Variants in ANKS3 observed in about 807,000 individuals in gnomAD.
ANKS3 encodes ankyrin repeat and SAM domain-containing protein 3.
A neutral mutation model predicts 80.7 loss-of-function variants in ANKS3; 62 were observed. That is an observed-to-expected ratio of 0.77 (90% confidence interval 0.63 to 0.95). ANKS3 has a LOEUF of 0.95. Ranked by LOEUF, ANKS3 falls within the 40% of genes least tolerant of loss-of-function variation. The pLI is 0.00. For synonymous variants in ANKS3, 489 were observed against 355.3 expected (o/e 1.38, Z -4.23); for missense variants, 1,150 against 883.6 (o/e 1.30, Z -3.82).
intron 6 of ANKS3, among the ~76,000 whole-genome samples, chr16:4,719,165 A>C (rs2080956194): frequency 6.6e-6 from 1 of 151,050 alleles, no homozygotes; most frequent in Non-Finnish European, 1.5e-5. Context: ...TGAGACCCCA[A>C]CTCTACAAAA....
chr16:4,718,044 G>A (rs1054287933), intron 6 of ANKS3, among the ~76,000 whole-genome samples: 1 of 151,598 alleles, frequency 6.6e-6, no homozygotes, highest in African/African-American at 2.4e-5. Flanking sequence ...CAAAGTGCTG[G>A]GATTACAGGC....
At position 4,698,457 on chromosome 16, in the gene ANKS3, C is replaced by G; in HGVS notation, c.1694G>C (p.Arg565Pro). 1 of 1,539,808 alleles carries G rather than the reference C, an allele frequency of 6.5e-7. No homozygotes were observed. The change falls in exon 14 of 18, where the codon CGG (arginine) becomes CCG (proline). Residue 565 changes from arginine to proline, a missense_variant. Arg to Pro is a moderately radical substitution (Grantham distance 103). Coordinates refer to ENST00000304283, the MANE Select transcript of ANKS3 (RefSeq NM_133450.4). ...ARLRETWALARDAALVLDQLR... is the reference protein window; with the variant it reads ...ARLRETWALAPDAALVLDQLR... ...CTGGTCCAGGACGAGGGCAGCATCC[C>G]GGGCCAGGGCCCACGTCTCCCGCAG...
chr16:4,718,189 G>C (rs963055857), intron 6 of ANKS3, among the ~76,000 whole-genome samples: 2 of 151,768 alleles, frequency 1.3e-5, no homozygotes, highest in African/African-American at 4.8e-5. Context: ...AAAAGTGCTG[G>C]GATTACTGGC....
intron 6 of ANKS3, among the ~76,000 whole-genome samples, chr16:4,714,716 G>A (rs745533767): frequency 2.6e-5 from 4 of 152,044 alleles, no homozygotes; most frequent in African/African-American, 4.8e-5. Context: ...GGCACAGGCC[G>A]GGTGCGGTGG....
At chr16:4,719,991 G>C (rs1426686494) in intron 6 of ANKS3, among the ~76,000 whole-genome samples, 3 of 149,704 alleles carry the variant, frequency 2.0e-5, no homozygotes, top group African/African-American at 7.3e-5. Context: ...GTGAAACCCT[G>C]TCTCCACTAA....
rs150932668 is a variant in ANKS3 at position 4,733,382 on chromosome 16, C to G, written c.-71+556G>C. Among the ~76,000 whole-genome samples, 245 of 151,972 alleles carry G rather than the reference C, an allele frequency of 1.6e-3. 2 individuals carry two copies. The highest frequency in any genetic ancestry group is 5.7e-3 in the African/African-American group (237 of 41,432). ...TCTCGGCTCAATGCAACCTCCGCCT[C>G]CTGGGTTCAAGCGATTCTCCTGCCT... On this transcript the variant is annotated intron_variant, in intron 1 of 17. Coordinates refer to ENST00000304283, the MANE Select transcript of ANKS3 (RefSeq NM_133450.4).
intron 7 of ANKS3, among the ~76,000 whole-genome samples, chr16:4,711,395 G>A (rs1233743186): frequency 6.6e-6 from 1 of 151,600 alleles, no homozygotes; most frequent in Non-Finnish European, 1.5e-5. Context: ...AAGCCACCGC[G>A]CCTGGCCCTG....
At chr16:4,728,863 C>T (rs1471616761) in intron 3 of ANKS3, among the ~76,000 whole-genome samples, 1 of 152,176 alleles carries the variant, frequency 6.6e-6, no homozygotes. Flanking sequence ...GGAGGGAGCG[C>T]AACAGACCAC....
At chr16:4,725,771 C>T (rs1446629474) in intron 5 of ANKS3, among the ~76,000 whole-genome samples, 3 of 152,034 alleles carry the variant, frequency 2.0e-5, no homozygotes, top group Admixed American at 6.6e-5. Context: ...GTGATTCTCC[C>T]GCCTCAGACT....
intron 5 of ANKS3, among the ~76,000 whole-genome samples, chr16:4,726,394 C>A (rs544831682): frequency 6.6e-5 from 10 of 152,270 alleles, no homozygotes; most frequent in Admixed American, 1.3e-4. Context: ...CCCTGGCATA[C>A]AATAAAACAT....
rs139960829 is a variant in ANKS3 at position 4,714,060 on chromosome 16, G to A, written c.700C>T (p.Arg234Trp). Residue 234 changes from arginine (R) to tryptophan (W), a missense_variant, in exon 7 of 18, where the codon CGG becomes TGG. By Grantham distance (101) the Arg-to-Trp change is moderately radical. Transcript: ENST00000304283. ...TGGCAGGTGTGGGTACCTGGGCTCC[G>A]ATAGAGGCTCTTGGGCAGAGAGGGC... ...YSPSLPKSLY[R>W]SPEKYEDLSS... 72 of 1,614,030 alleles carry A rather than the reference G, an allele frequency of 4.5e-5. No individual in the cohort carries two copies. Among genetic ancestry groups the A allele is most frequent in the Non-Finnish European group, 5.5e-5 (65 of 1,180,016 alleles).
chr16:4,705,527 C>A (rs1482998700), intron 7 of ANKS3, among the ~76,000 whole-genome samples: 1 of 152,194 alleles, frequency 6.6e-6, no homozygotes, highest in Non-Finnish European at 1.5e-5. Context: ...ATGGCATGAT[C>A]TTGGCTCACT....
chr16:4,731,248 G>A (rs1246597285), intron 2 of ANKS3, among the ~76,000 whole-genome samples: 4 of 152,158 alleles, frequency 2.6e-5, no homozygotes, highest in Non-Finnish European at 5.9e-5. Flanking sequence ...TGAAACCACA[G>A]AACTGAACAC....
At chr16:4,699,602 G>C (rs1333457548) in intron 11 of ANKS3, 1 of 199,616 alleles carries the variant, frequency 5.0e-6, no homozygotes, top group African/African-American at 2.3e-5. Flanking sequence ...CGAGCTCCCT[G>C]GATGTAAGAT....
chr16:4,705,223 T>C lies in ANKS3; in HGVS notation c.740A>G (p.Glu247Gly). Residue 247 changes from glutamate (E) to glycine (G), a missense_variant, in exon 8 of 18, where the codon GAG becomes GGG. Physicochemically the swap from Glu to Gly is moderately conservative, Grantham distance 98. Coordinates refer to ENST00000304283, the MANE Select transcript of ANKS3 (RefSeq NM_133450.4). ...CTGTCTCTGAGGAGCAGGGCAGGAC[T>C]CGTCAGAAGAGCTCAGATCTTCGTA... The part of the protein sequence containing the change: ...EKYEDLSSSD[E>G]SCPAPQRQRP... 1 of 1,614,034 alleles carries C rather than the reference T, an allele frequency of 6.2e-7. No individual in the cohort carries two copies. Among genetic ancestry groups the C allele is most frequent in the Non-Finnish European group, 8.5e-7 (1 of 1,180,028 alleles).
In ANKS3 at chr16:4,721,597, C is replaced by G. The variant is rs1596431301; in HGVS notation, c.573+3153G>C. On this transcript the variant is annotated intron_variant, in intron 6 of 17. Coordinates refer to ENST00000304283, the MANE Select transcript of ANKS3 (RefSeq NM_133450.4). ...CTCCACTCCAGCCTGAGGGACAGAGCAAGACCCCATCTCTTTATTGATTTA... is the reference window on the plus strand; with the variant it reads ...CTCCACTCCAGCCTGAGGGACAGAGGAAGACCCCATCTCTTTATTGATTTA... Among the ~76,000 whole-genome samples, 3 of 149,664 alleles carry G rather than the reference C, an allele frequency of 2.0e-5. 1 individual carries two copies. Among genetic ancestry groups the G allele is most frequent in the African/African-American group, 7.3e-5 (3 of 41,316 alleles).
chr16:4,715,680 C>T (rs968750246), intron 6 of ANKS3, among the ~76,000 whole-genome samples: 6 of 152,088 alleles, frequency 3.9e-5, no homozygotes, highest in Non-Finnish European at 8.8e-5. Context: ...ACACAGAAAA[C>T]AATATTGGAA....
chr16:4,728,322 G>C (rs1205566895), intron 3 of ANKS3, among the ~76,000 whole-genome samples: 2 of 152,134 alleles, frequency 1.3e-5, no homozygotes, highest in African/African-American at 4.8e-5. Flanking sequence ...TGGATTACAG[G>C]CGTGAGCCAC....
rs746588854 is a variant in ANKS3, at chr16:4,713,968, G to C, written c.709+83C>G. The C allele has an allele frequency of 7.1e-6, 11 of 1,543,746 alleles. No individual in the cohort carries two copies. In the Admixed American group the frequency reaches 1.9e-4, roughly 27 times the overall value. Reference sequence around the variant, plus strand: ...CAGAGAAGGTGGGAGCCGGGGAAGCGGGGGACATCTTTCTCTGCCAGGTCA... The same window carrying C: ...CAGAGAAGGTGGGAGCCGGGGAAGCCGGGGACATCTTTCTCTGCCAGGTCA... On this transcript the variant is annotated intron_variant, in intron 7 of 17. Transcript: ENST00000304283.
Sources: gnomAD v4.1 joint callset for allele counts (sites outside exome capture counted in the v4.1 genomes callset) on GRCh38, gnomAD v4.1.1 for gene constraint, MANE v1.5 for transcripts, NCBI Gene and HGNC (gene_info 2026-07-23, HGNC 2026-07-21) for gene names.